The following MGAT4C variants were observed in gnomAD, a reference collection of about 807,000 sequenced individuals.
MGAT4C encodes the protein alpha-1,3-mannosyl-glycoprotein 4-beta-N-acetylglucosaminyltransferase C.
In MGAT4C, 19 loss-of-function variants were observed where a neutral mutation model predicts 40.1. The ratio of observed to expected loss-of-function variants is 0.47; its 90% CI spans 0.33 to 0.70. The LOEUF is 0.70. MGAT4C is among the 30% of genes least tolerant of loss of function. MGAT4C has a pLI of 0.02. For synonymous variants in MGAT4C, 181 were observed against 187.1 expected (o/e 0.97, Z 0.27); for missense variants, 491 against 563.2 (o/e 0.87, Z 1.30).
intron 3 of MGAT4C, among the ~76,000 whole-genome samples, chr12:86,381,621 C>A (rs1053401193): frequency 6.6e-6 from 1 of 152,196 alleles, no homozygotes; most frequent in African/African-American, 2.4e-5. Flanking sequence ...CACAGACACA[C>A]ACACAAAAAT....
intron 1 of MGAT4C, among the ~76,000 whole-genome samples, chr12:86,833,803 T>C (rs1207464497): frequency 6.6e-6 from 1 of 151,836 alleles, no homozygotes; most frequent in Non-Finnish European, 1.5e-5. Flanking sequence ...TAGCAGCCTG[T>C]GTTCTGGAAG....
chr12:86,511,914 A>G (rs1478942971), intron 2 of MGAT4C, among the ~76,000 whole-genome samples: 2 of 152,186 alleles, frequency 1.3e-5, no homozygotes, highest in African/African-American at 4.8e-5. Context: ...CAAACTAAAA[A>G]TCTTTTGCAC....
chr12:86,693,098 T>C (rs1480460931), intron 2 of MGAT4C, among the ~76,000 whole-genome samples: 2 of 152,058 alleles, frequency 1.3e-5, no homozygotes, highest in African/African-American at 4.8e-5. Context: ...TTAGGGTGAG[T>C]TGACACTCTT....
At chr12:86,046,268 A>G (rs1291811137) in intron 2 of MGAT4C, among the ~76,000 whole-genome samples, 1 of 152,154 alleles carries the variant, frequency 6.6e-6, no homozygotes, top group Non-Finnish European at 1.5e-5. Context: ...CATGAGTTCA[A>G]GCTGACTTTT....
intron 4 of MGAT4C, among the ~76,000 whole-genome samples, chr12:85,983,053 C>T (rs945050494): frequency 2.0e-5 from 3 of 152,060 alleles, no homozygotes; most frequent in East Asian, 1.9e-4. Context: ...TCCAGAACCA[C>T]GAGAGAATAA....
rs533410815 is a variant in MGAT4C at position 86,096,884 on chromosome 12, T to C, written c.-56-47161A>G. 5.9e-5 allele frequency among the ~76,000 whole-genome samples: 9 copies of C among 151,770 alleles called. No individual in the cohort carries two copies. In the South Asian group the frequency reaches 1.9e-3, roughly 31 times the overall value. On this transcript the variant is annotated intron_variant, in intron 1 of 4. Coordinates refer to ENST00000611864, the MANE Select transcript of MGAT4C (RefSeq NM_001351288.2). ...GGTTGTCTCAGTACCTGCAATCATC[T>C]GTTTGCAATGCTGATTTCCCTGTCT...
chr12:86,385,372 G>A (rs183328150), intron 3 of MGAT4C, among the ~76,000 whole-genome samples: 16 of 152,018 alleles, frequency 1.1e-4, no homozygotes, highest in Non-Finnish European at 1.6e-4. Context: ...TCAAATCTAC[G>A]TATATACTCT....
At chr12:86,388,122 T>A (rs1956091664) in intron 3 of MGAT4C, among the ~76,000 whole-genome samples, 1 of 152,122 alleles carries the variant, frequency 6.6e-6, no homozygotes, top group Non-Finnish European at 1.5e-5. Context: ...ATTTTATAAA[T>A]GCAGTAAGAA....
chr12:86,826,792 AG>A (rs1440725350), intron 1 of MGAT4C, among the ~76,000 whole-genome samples: 6 of 151,376 alleles, frequency 4.0e-5, no homozygotes, highest in Non-Finnish European at 5.9e-5. Flanking sequence ...GAAACAAAAA[AG>A]AAATGGGGGG....
chr12:86,469,403 G>C (rs1387607373), intron 2 of MGAT4C, among the ~76,000 whole-genome samples: 1 of 152,114 alleles, frequency 6.6e-6, no homozygotes, highest in Non-Finnish European at 1.5e-5. Context: ...TCTTTTGCCA[G>C]CACTCTCTCT....
chr12:86,700,081 T>G (rs11614945), intron 2 of MGAT4C, among the ~76,000 whole-genome samples: 52 of 31,060 alleles, frequency 1.7e-3, no homozygotes, highest in Middle Eastern at 0.037. Context: ...AGATAGATAA[T>G]GTAGATAGAT....
chr12:86,086,228 T>C (rs945345790), intron 1 of MGAT4C, among the ~76,000 whole-genome samples: 3 of 152,110 alleles, frequency 2.0e-5, no homozygotes, highest in Admixed American at 6.6e-5. Flanking sequence ...AATGAGTTCA[T>C]GTCTTTTGCA....
chr12:86,827,684 T>C (rs920965403), intron 1 of MGAT4C, among the ~76,000 whole-genome samples: 4 of 151,456 alleles, frequency 2.6e-5, no homozygotes, highest in Non-Finnish European at 5.9e-5. Flanking sequence ...GAAAGTGTTG[T>C]AGTAAATCAT....
In MGAT4C at chr12:86,214,218, A is replaced by G. The variant is rs77271449; in HGVS notation, c.-57+42021T>C. Among the ~76,000 whole-genome samples, 64 of 152,198 alleles carry G rather than the reference A, an allele frequency of 4.2e-4. No individual in the cohort carries two copies. The East Asian group carries it at 0.011, about 26-fold the overall frequency. ...ATTTCTGTGTCTTTGTACGTCTTGT[A>G]TCCTCTGCATAGACCCCTTTTCTTC... is the stretch of plus-strand genomic sequence containing the variant. On this transcript the variant is annotated intron_variant, in intron 1 of 4. Transcript: ENST00000611864.
intron 2 of MGAT4C, among the ~76,000 whole-genome samples, chr12:86,558,143 T>A (rs1305497671): frequency 6.6e-6 from 1 of 152,026 alleles, no homozygotes; most frequent in Non-Finnish European, 1.5e-5. Context: ...CTTGAAAAGT[T>A]TTTTAATAAC....
chr12:86,644,196 CAA>C (rs537126646), intron 2 of MGAT4C, among the ~76,000 whole-genome samples: 3 of 151,492 alleles, frequency 2.0e-5, no homozygotes, highest in Non-Finnish European at 4.4e-5. Flanking sequence ...ATACAACTGA[CAA>C]AGAGTTTATA....
intron 2 of MGAT4C, among the ~76,000 whole-genome samples, chr12:86,043,289 G>A (rs762011578): frequency 1.5e-4 from 23 of 152,098 alleles, no homozygotes; most frequent in Non-Finnish European, 3.2e-4. Context: ...GCAAGCTGAG[G>A]AGCAAGTCAG....
rs565774786 is a variant in MGAT4C, at chr12:86,142,265, A to T, written c.-56-92542T>A. Among the ~76,000 whole-genome samples the T allele has an allele frequency of 7.9e-5, 12 of 152,282 alleles. No homozygotes were observed. In the East Asian group the frequency reaches 2.1e-3, roughly 27 times the overall value. On this transcript the variant is annotated intron_variant, in intron 1 of 4. Transcript: ENST00000611864. ...AGAGAAAGTGAGGCCACACACAGAG[A>T]GATGAAAATCAAGCCAATATAGCAC...
rs78664725 is a variant in MGAT4C, at chr12:86,634,426, T to C, written c.-229+92783A>G. Reference sequence around the variant, plus strand: ...GTTTTGTAACAAATTGCCACAAGTTTAGCTGGTTAAAACAAGATACAATTA... The same window carrying C: ...GTTTTGTAACAAATTGCCACAAGTTCAGCTGGTTAAAACAAGATACAATTA... On this transcript the variant is annotated intron_variant, in intron 2 of 7. Coordinates refer to the MGAT4C transcript ENST00000548651. 3.1e-3 allele frequency among the ~76,000 whole-genome samples: 479 copies of C among 152,262 alleles called. 1 individual carries two copies. Among genetic ancestry groups the C allele is most frequent in the African/African-American group, 0.011 (463 of 41,572 alleles).
Sources: allele counts gnomAD v4.1 joint callset (sites outside exome capture counted in the v4.1 genomes callset), GRCh38; gene constraint gnomAD v4.1.1; transcripts MANE v1.5; gene names NCBI Gene and HGNC (gene_info 2026-07-23, HGNC 2026-07-21).